The following SPATA13 variants were observed in gnomAD, a reference collection of about 807,000 sequenced individuals.
SPATA13 encodes spermatogenesis associated 13.
Under a neutral mutation model 104.0 loss-of-function variants are expected in SPATA13, and 50 were observed. That is an observed-to-expected ratio of 0.48 (90% CI 0.38 to 0.61). The LOEUF (loss-of-function observed/expected upper bound fraction) is 0.61, where lower values mean the gene tolerates loss of function less well. SPATA13 is among the 20% of genes least tolerant of loss of function. The pLI, the probability that SPATA13 is intolerant of heterozygous loss-of-function variation, is 0.00. For missense variants in SPATA13, 1,524 were observed against 1,690.6 expected (o/e 0.90, Z 1.73); for synonymous variants, 606 against 667.5 (o/e 0.91, Z 1.42).
chr13:24,086,770 G>A (rs1306991746), intron 3 of SPATA13, among the ~76,000 whole-genome samples: 2 of 152,124 alleles, frequency 1.3e-5, no homozygotes, highest in East Asian at 1.9e-4. Flanking sequence ...GGTGCAGAGC[G>A]GAATTCCAGG....
intron 4 of SPATA13, among the ~76,000 whole-genome samples, chr13:24,267,603 A>G (rs1874355557): frequency 6.6e-6 from 1 of 152,210 alleles, no homozygotes; most frequent in Non-Finnish European, 1.5e-5. Context: ...TTGAAAACTA[A>G]TGATTTTAAC....
chr13:24,030,089 CAT>C (rs200532783), intron 3 of SPATA13, among the ~76,000 whole-genome samples: 2,286 of 140,886 alleles, frequency 0.016, 51 homozygotes, highest in Admixed American at 0.057. Flanking sequence ...CACACACACA[CAT>C]ACATACATAC....
At chr13:24,272,525 A>G (rs974583652) in intron 4 of SPATA13, among the ~76,000 whole-genome samples, 6 of 152,012 alleles carry the variant, frequency 3.9e-5, no homozygotes, top group Admixed American at 3.9e-4. Flanking sequence ...GAGCTCTGAG[A>G]GGGCAGGGGG....
At chr13:24,279,859 G>C (rs894089401) in intron 4 of SPATA13, among the ~76,000 whole-genome samples, 3 of 152,122 alleles carry the variant, frequency 2.0e-5, no homozygotes, top group Non-Finnish European at 4.4e-5. Flanking sequence ...CCTGGCCTCT[G>C]CCCCCCATCT....
At chr13:24,236,602 A>C (rs1872587383) in intron 2 of SPATA13, among the ~76,000 whole-genome samples, 1 of 151,656 alleles carries the variant, frequency 6.6e-6, no homozygotes, top group Non-Finnish European at 1.5e-5. Flanking sequence ...TCTCAAAAAA[A>C]AAAAAAAAAA....
intron 3 of SPATA13, among the ~76,000 whole-genome samples, chr13:24,102,475 CTTTTT>C (rs34472292): frequency 2.5e-5 from 3 of 120,838 alleles, no homozygotes; most frequent in Non-Finnish European, 3.6e-5. Context: ...CACAGAATTT[CTTTTT>C]TTTTTTTTTT....
intron 7 of SPATA13, 104 bp downstream of exon 7, chr13:24,287,054 C>A: frequency 1.1e-6 from 1 of 929,086 alleles, no homozygotes; most frequent in Non-Finnish European, 1.6e-6. Context: ...ATCAGGCTCC[C>A]ACATGTATGC....
intron 3 of SPATA13, among the ~76,000 whole-genome samples, chr13:24,143,615 C>T (rs1881834573): frequency 6.6e-6 from 1 of 152,180 alleles, no homozygotes; most frequent in Non-Finnish European, 1.5e-5. Flanking sequence ...TCCGACTCTG[C>T]TGCCAGTTAT....
chr13:24,291,752 T>TA (rs1207998261), intron 9 of SPATA13, among the ~76,000 whole-genome samples: 9 of 104,398 alleles, frequency 8.6e-5, no homozygotes, highest in African/African-American at 3.1e-4. Context: ...TTTTTTATTT[T>TA]TTTATTTTTT....
intron 3 of SPATA13, among the ~76,000 whole-genome samples, chr13:24,032,593 G>A (rs1260763409): frequency 2.0e-5 from 3 of 152,128 alleles, no homozygotes; most frequent in Non-Finnish European, 4.4e-5. Context: ...CTTCCCTGTC[G>A]TTTCTGCAGT....
intron 3 of SPATA13, among the ~76,000 whole-genome samples, chr13:24,031,689 A>G (rs967511547): frequency 6.6e-6 from 1 of 152,204 alleles, no homozygotes; most frequent in Admixed American, 6.5e-5. Flanking sequence ...ACCTCATATG[A>G]CCTGCCCTTG....
intron 1 of SPATA13, among the ~76,000 whole-genome samples, chr13:24,202,615 T>G (rs1229986736): frequency 6.6e-6 from 1 of 150,946 alleles, no homozygotes; most frequent in Non-Finnish European, 1.5e-5. Flanking sequence ...ATTTGTAGAT[T>G]TGGGATAAAA....
At chr13:24,228,614 G>A (rs898740505) in intron 2 of SPATA13, among the ~76,000 whole-genome samples, 2 of 152,114 alleles carry the variant, frequency 1.3e-5, no homozygotes, top group African/African-American at 4.8e-5. Context: ...AGGGTGACAC[G>A]CAAGGATTCC....
At chr13:24,190,467 A>T (rs1869662875) in intron 1 of SPATA13, among the ~76,000 whole-genome samples, 7 of 148,862 alleles carry the variant, frequency 4.7e-5, no homozygotes. Flanking sequence ...TCTGGAACTG[A>T]TTCACCATTC....
intron 3 of SPATA13, among the ~76,000 whole-genome samples, chr13:24,143,189 C>G (rs1881817207): frequency 1.3e-5 from 2 of 152,150 alleles, no homozygotes; most frequent in African/African-American, 4.8e-5. Context: ...TTGGCCTGGT[C>G]CAAACCAGAG....
At chr13:24,121,328 G>C (rs1881024473) in intron 3 of SPATA13, among the ~76,000 whole-genome samples, 1 of 152,194 alleles carries the variant, frequency 6.6e-6, no homozygotes, top group Admixed American at 6.5e-5. Context: ...GTACAAAATT[G>C]CTAGTTCGTT....
At chr13:23,991,544 A>T (rs1875417398) in intron 2 of SPATA13, among the ~76,000 whole-genome samples, 1 of 152,154 alleles carries the variant, frequency 6.6e-6, no homozygotes, top group Non-Finnish European at 1.5e-5. Flanking sequence ...TTCATGCTGC[A>T]AAGTTAGCGA....
chr13:24,081,708 A>AT (rs776248576), intron 3 of SPATA13, among the ~76,000 whole-genome samples: 3 of 110,058 alleles, frequency 2.7e-5, no homozygotes, highest in East Asian at 2.7e-4. Flanking sequence ...GTAAGCATAA[A>AT]TTTAAAAAAA....
intron 7 of SPATA13, 150 bp from the exon 8 acceptor site, chr13:24,288,849 C>T: frequency 1.8e-6 from 1 of 565,534 alleles, no homozygotes; most frequent in Non-Finnish European, 2.9e-6. Flanking sequence ...AAATTGCAGT[C>T]ATGGAAGTAC....
Sources: allele counts gnomAD v4.1 joint callset (sites outside exome capture counted in the v4.1 genomes callset), GRCh38; gene constraint gnomAD v4.1.1; transcripts MANE v1.5; gene names NCBI Gene and HGNC (gene_info 2026-07-23, HGNC 2026-07-21).